Variants in RECK observed in about 807,000 individuals in gnomAD.
RECK encodes reversion inducing cysteine rich protein with kazal motifs.
A neutral mutation model predicts 115.1 loss-of-function variants in RECK; 69 were observed. The observed-to-expected ratio is 0.60, with a 90% confidence interval of 0.49 to 0.73. RECK has a LOEUF of 0.73. Among genes scored for constraint, RECK ranks in the 30% least tolerant of loss-of-function variants. The pLI, the probability that RECK is intolerant of heterozygous loss-of-function variation, is 0.00. For missense variants in RECK, 1,047 were observed against 1,203.7 expected (o/e 0.87, Z 1.93); for synonymous variants, 414 against 419.7 (o/e 0.99, Z 0.17).
At chr9:36,106,013 A>T (rs1170428218) in intron 13 of RECK, among the ~76,000 whole-genome samples, 1 of 152,036 alleles carries the variant, frequency 6.6e-6, no homozygotes, top group Non-Finnish European at 1.5e-5. Context: ...GGAGATCGAA[A>T]CCATCCTGGC....
chr9:36,046,757 A>G (rs1821085294), intron 1 of RECK, among the ~76,000 whole-genome samples: 1 of 152,234 alleles, frequency 6.6e-6, no homozygotes, highest in Admixed American at 6.5e-5. Flanking sequence ...CAGTGGAAAT[A>G]TAATTTTTCT....
intron 2 of RECK, chr9:36,056,976 A>G (rs1003177969): frequency 1.3e-4 from 133 of 985,286 alleles, no homozygotes; most frequent in Non-Finnish European, 1.0e-4. Flanking sequence ...TTCACTGTCC[A>G]TAGCATTCAT....
In RECK at chr9:36,040,834, A is replaced by G. The variant is rs548191748; in HGVS notation, c.100+3736A>G. The stretch of plus-strand genomic sequence containing the variant: ...TAGGTTTTTTTTTTAATCATGAGCA[A>G]TTTAATAAAAGTTGATGCCATTTAC... On this transcript the variant is annotated intron_variant, in intron 1 of 20. Coordinates refer to ENST00000377966, the MANE Select transcript of RECK (RefSeq NM_021111.3). Among the ~76,000 whole-genome samples the G allele has an allele frequency of 2.0e-5, 3 of 152,176 alleles. No individual in the cohort carries two copies. In the South Asian group the frequency reaches 6.2e-4, roughly 32 times the overall value.
intron 11 of RECK, among the ~76,000 whole-genome samples, chr9:36,101,062 G>A (rs540915678): frequency 6.6e-6 from 1 of 151,968 alleles, no homozygotes; most frequent in South Asian, 2.1e-4. Flanking sequence ...CACCTCCCAG[G>A]TTCAAGCAAT....
chr9:36,057,087 G>A (rs1372245979), intron 2 of RECK: 10 of 902,396 alleles, frequency 1.1e-5, no homozygotes, highest in African/African-American at 3.6e-5. Flanking sequence ...ATTGCATAAC[G>A]TCCTATTTGG....
At chr9:36,085,080 A>G (rs1290743109) in intron 8 of RECK, 2 of 160,816 alleles carry the variant, frequency 1.2e-5, no homozygotes, top group South Asian at 1.4e-4. Flanking sequence ...TCCAAGATGT[A>G]TTAAGCAAAA....
At chr9:36,100,601 T>G in intron 11 of RECK, 58 bp downstream of exon 11, 135 of 1,274,892 alleles carry the variant, frequency 1.1e-4, no homozygotes, top group Non-Finnish European at 1.4e-4. Flanking sequence ...CCGTGATCTC[T>G]AGCCAGAGCC....
chr9:36,077,116 C>A (rs1229066384), intron 6 of RECK, among the ~76,000 whole-genome samples: 2 of 152,086 alleles, frequency 1.3e-5, no homozygotes, highest in African/African-American at 4.8e-5. Flanking sequence ...ATAGTTTTGA[C>A]CTATTCTTGA....
chr9:36,089,967 TACACACACAC>T (rs55678229), intron 9 of RECK, among the ~76,000 whole-genome samples: 1,723 of 143,886 alleles, frequency 0.012, 12 homozygotes, highest in African/African-American at 0.018. Flanking sequence ...CTACTAAAAA[TACACACACAC>T]ACACACACAC....
At chr9:36,052,075 AG>A (rs1465167387) in intron 1 of RECK, among the ~76,000 whole-genome samples, 189 bp from the exon 2 acceptor site, 3 of 152,212 alleles carry the variant, frequency 2.0e-5, no homozygotes, top group Non-Finnish European at 4.4e-5. Flanking sequence ...TCTTGAGGAC[AG>A]GGACCATGTC....
chr9:36,100,681 T>G (rs1823532865), intron 11 of RECK, 138 bp downstream of exon 11: 2 of 610,552 alleles, frequency 3.3e-6, no homozygotes, highest in Non-Finnish European at 5.7e-6. Flanking sequence ...CTTTCCCACT[T>G]TTTCCTCCTC....
intron 5 of RECK, among the ~76,000 whole-genome samples, chr9:36,065,044 A>G (rs1821931661): frequency 6.6e-6 from 1 of 152,060 alleles, no homozygotes; most frequent in South Asian, 2.1e-4. Flanking sequence ...TTGTTAAGAG[A>G]CTTACACAAA....
At chr9:36,061,225 T>C (rs12683938) in intron 4 of RECK, among the ~76,000 whole-genome samples, 23,613 of 151,854 alleles carry the variant, frequency 0.16, 3,712 homozygotes, top group African/African-American at 0.39. Context: ...TGGATAGAGC[T>C]AATTTCTTAA....
chr9:36,039,164 TAA>T (rs11308688), intron 1 of RECK, among the ~76,000 whole-genome samples: 10 of 150,262 alleles, frequency 6.7e-5, no homozygotes, highest in Middle Eastern at 3.5e-3. Flanking sequence ...CATTGTTTGA[TAA>T]AAAAAAAAAA....
chr9:36,107,604 CAAAAAAAAA>C (rs11315233), intron 13 of RECK, among the ~76,000 whole-genome samples: 1 of 70,966 alleles, frequency 1.4e-5, no homozygotes, highest in African/African-American at 4.7e-5. Context: ...GACTCCGTCT[CAAAAAAAAA>C]AAAAAAAAAA....
In RECK at chr9:36,123,188, A is replaced by G; in HGVS notation, c.*143A>G. 1.7e-6 allele frequency: 1 copy of G among 592,792 alleles called. No homozygotes were observed. Among genetic ancestry groups the G allele is most frequent in the South Asian group, 2.5e-5 (1 of 40,684 alleles). The allele number at this position is 592,792 out of a possible 1,614,324, so 36.7% of individuals were successfully genotyped here. On this transcript the variant is annotated 3_prime_UTR_variant, in exon 21 of 21. Transcript: ENST00000377966. ...TCGCCACACAGTATTTTTTTTTTTA[A>G]TCCGCCAATATTAGTAGGATTTTTG... is the stretch of plus-strand genomic sequence containing the variant.
At chr9:36,048,273 C>G (rs1165526248) in intron 1 of RECK, among the ~76,000 whole-genome samples, 2 of 151,584 alleles carry the variant, frequency 1.3e-5, no homozygotes, top group African/African-American at 2.4e-5. Flanking sequence ...ACAATGCCAA[C>G]TCTATCCTCT....
At position 36,108,121 on chromosome 9, in the gene RECK, T is replaced by C. The variant is rs1307871226; in HGVS notation, c.1722T>C (p.Cys574=). 1.2e-6 allele frequency: 2 copies of C among 1,609,134 alleles called. No individual in the cohort carries two copies. The highest frequency in any genetic ancestry group is 3.4e-5 in the Admixed American group (2 of 58,564). The change falls in exon 14 of 21, where the codon TGT becomes TGC. Residue 574 remains cysteine (C), a synonymous_variant. Coordinates refer to ENST00000377966, the MANE Select transcript of RECK (RefSeq NM_021111.3). Reference sequence around the variant, plus strand: ...TAGAAAACTGTATGGAAATGCACTGTATAGACCTCCAGAAGTCTTGTATTG... The same window carrying C: ...TAGAAAACTGTATGGAAATGCACTGCATAGACCTCCAGAAGTCTTGTATTG... The part of the protein sequence containing the change: ...GLLENCMEMH[C]IDLQKSCIVG...
At chr9:36,037,422 A>C (rs1820710126) in intron 1 of RECK, among the ~76,000 whole-genome samples, 2 of 151,658 alleles carry the variant, frequency 1.3e-5, no homozygotes, top group South Asian at 4.2e-4. Context: ...GCCCCCGCCC[A>C]GGATCGTCGC....
Sources: allele counts gnomAD v4.1 joint callset (sites outside exome capture counted in the v4.1 genomes callset), GRCh38; gene constraint gnomAD v4.1.1; transcripts MANE v1.5; gene names NCBI Gene and HGNC (gene_info 2026-07-23, HGNC 2026-07-21).